Variants in KYAT3 observed in about 807,000 individuals in gnomAD.
The protein encoded by KYAT3 is kynurenine--oxoglutarate transaminase 3.
In KYAT3, 50 loss-of-function variants were observed where a neutral mutation model predicts 59.0. That is an observed-to-expected ratio of 0.85 (90% CI 0.68 to 1.07). The LOEUF (loss-of-function observed/expected upper bound fraction) is 1.07, where lower values mean the gene tolerates loss of function less well. Among genes scored for constraint, KYAT3 ranks in the 50% least tolerant of loss-of-function variants. KYAT3 has a pLI of 0.00. For missense variants in KYAT3, 497 were observed against 533.3 expected, an observed-to-expected ratio of 0.93 and a Z score of 0.67; for synonymous variants, 148 against 177.0, an observed-to-expected ratio of 0.84 and a Z score of 1.30.
intron 2 of KYAT3, among the ~76,000 whole-genome samples, chr1:88,975,388 T>G (rs1247254875): frequency 6.6e-6 from 1 of 152,162 alleles, no homozygotes; most frequent in Non-Finnish European, 1.5e-5. Flanking sequence ...CCTGACCTCG[T>G]GATCTGCCCA....
chr1:88,986,656 A>T (rs1410252435), intron 2 of KYAT3, among the ~76,000 whole-genome samples: 1 of 152,154 alleles, frequency 6.6e-6, no homozygotes, highest in Non-Finnish European at 1.5e-5. Context: ...TGTTTTTGTA[A>T]AAAAGCAAGT....
At chr1:88,974,711 G>A (rs1050300883) in intron 2 of KYAT3, among the ~76,000 whole-genome samples, 8 of 152,002 alleles carry the variant, frequency 5.3e-5, no homozygotes, top group Non-Finnish European at 8.8e-5. Context: ...CTAGCTAAAG[G>A]ATTGTAAATG....
chr1:88,971,048 G>C (rs1212900327), intron 2 of KYAT3, among the ~76,000 whole-genome samples: 1 of 152,160 alleles, frequency 6.6e-6, no homozygotes, highest in Non-Finnish European at 1.5e-5. Context: ...AGAGACAACA[G>C]TTGTACAACT....
chr1:88,957,205 A>G (rs1675956318), intron 8 of KYAT3, among the ~76,000 whole-genome samples: 1 of 152,224 alleles, frequency 6.6e-6, no homozygotes, highest in Admixed American at 6.5e-5. Context: ...GGAATATGAC[A>G]AAACCCAAAA....
chr1:88,924,990 C>T, the KYAT3 span, among the ~76,000 whole-genome samples: 66 of 152,308 alleles, frequency 4.3e-4, no homozygotes, highest in Non-Finnish European at 8.4e-4. Flanking sequence ...AGCAGCCCGC[C>T]GCCATCTTGG....
rs137876119 is a variant in KYAT3 at position 88,983,046 on chromosome 1, C to T, written c.99+5206G>A. The T allele has an allele frequency of 5.6e-5, 90 of 1,612,106 alleles. No individual in the cohort carries two copies. In the African/African-American group the frequency reaches 9.5e-4, roughly 17 times the overall value. ...TCACGACCATATCCATCTCTATCGC[C>T]ATAGCCTCTTGATGGATAGTCATCA... On this transcript the variant is annotated intron_variant, in intron 2 of 13. Transcript: ENST00000260508.
intron 4 of KYAT3, among the ~76,000 whole-genome samples, chr1:88,967,814 T>C (rs1283840137): frequency 2.6e-5 from 4 of 152,206 alleles, no homozygotes; most frequent in Admixed American, 6.5e-5. Context: ...AACTTTTACT[T>C]ATTGATCTTT....
intron 2 of KYAT3, chr1:88,983,275 T>G (rs1344360832): frequency 6.2e-7 from 1 of 1,613,646 alleles, no homozygotes; most frequent in African/African-American, 1.3e-5. Flanking sequence ...CTCTTCCACG[T>G]GATAGAGGAG....
intron 2 of KYAT3, among the ~76,000 whole-genome samples, chr1:88,977,751 C>G (rs981547684): frequency 1.3e-5 from 2 of 152,188 alleles, no homozygotes; most frequent in African/African-American, 4.8e-5. Flanking sequence ...CTCACTGACC[C>G]ACCCAGAGCA....
chr1:88,936,353 CA>C, intron 13 of KYAT3, 108 bp from the exon 14 acceptor site: 1 of 828,478 alleles, frequency 1.2e-6, no homozygotes, highest in Non-Finnish European at 1.8e-6. Context: ...TATCTGATCT[CA>C]AGTGAAGAAA....
Position 88,961,205 on chromosome 1 carries a change from TCA to T in KYAT3, c.747_748del (p.Tyr249Ter), listed in dbSNP as rs774272953. ...CTTATTTCCAGAATATACAAGCCAT[TCA>T]TAAACCTCATCGCTGATGCAGAGTG... is the stretch of plus-strand genomic sequence containing the variant. On this transcript the variant is annotated stop_gained and frameshift_variant, in exon 8 of 14. Transcript: ENST00000260508. LOFTEE classifies it high-confidence loss of function. 7.4e-6 allele frequency: 12 copies of T among 1,613,504 alleles called. No homozygotes were observed. The East Asian group carries it at 2.5e-4, about 33-fold the overall frequency.
At chr1:88,983,353 C>A (rs1360858239) in intron 2 of KYAT3, 1 of 1,614,176 alleles carries the variant, frequency 6.2e-7, no homozygotes, top group Non-Finnish European at 8.5e-7. Context: ...GAGAAGGACC[C>A]CCACTTCTTG....
chr1:88,938,611 C>G (rs547739502), intron 13 of KYAT3, among the ~76,000 whole-genome samples: 1 of 152,206 alleles, frequency 6.6e-6, no homozygotes, highest in African/African-American at 2.4e-5. Context: ...ATTTTTGGCT[C>G]CACTTATAAG....
chr1:88,950,740 C>A (rs772958195), intron 10 of KYAT3, among the ~76,000 whole-genome samples: 3 of 152,170 alleles, frequency 2.0e-5, no homozygotes, highest in Non-Finnish European at 4.4e-5. Context: ...AATGCACTGG[C>A]ATTTCTCTCT....
At position 88,944,078 on chromosome 1, in the gene KYAT3, G is replaced by C. The variant is rs372352308; in HGVS notation, c.1142-655C>G. On this transcript the variant is annotated intron_variant, in intron 11 of 13. Transcript: ENST00000260508. ...AAAAGTCAAATATATACTCCTGTTT[G>C]CTCTTGCCTCAATTTTGCTTTAAGG... 5.9e-5 allele frequency among the ~76,000 whole-genome samples: 9 copies of C among 151,922 alleles called. No individual in the cohort carries two copies. The South Asian group carries it at 1.9e-3, about 32-fold the overall frequency.
At chr1:88,958,060 CA>C (rs1418139249) in intron 8 of KYAT3, among the ~76,000 whole-genome samples, 2 of 152,126 alleles carry the variant, frequency 1.3e-5, no homozygotes, top group Non-Finnish European at 2.9e-5. Flanking sequence ...TGATGACTGC[CA>C]AAAATATATC....
chr1:88,983,043 C>T (rs377481512), intron 2 of KYAT3: 44 of 1,612,576 alleles, frequency 2.7e-5, no homozygotes, highest in African/African-American at 4.0e-5. Flanking sequence ...CCATCTCTAT[C>T]GCCATAGCCT....
At chr1:88,949,059 G>A (rs11576416) in intron 11 of KYAT3, 32 bp downstream of exon 11, 374 of 1,452,690 alleles carry the variant, frequency 2.6e-4, no homozygotes, top group Middle Eastern at 3.6e-4. Flanking sequence ...ATAAGTTTCC[G>A]TATAGTTGAA....
At chr1:88,953,416 G>A (rs1230673226) in intron 9 of KYAT3, among the ~76,000 whole-genome samples, 2 of 151,720 alleles carry the variant, frequency 1.3e-5, no homozygotes, top group Non-Finnish European at 2.9e-5. Flanking sequence ...CATGGTGGTG[G>A]GCACCTGTAA....
Sources: gnomAD v4.1 joint callset for allele counts (sites outside exome capture counted in the v4.1 genomes callset) on GRCh38, gnomAD v4.1.1 for gene constraint, MANE v1.5 for transcripts, NCBI Gene and HGNC (gene_info 2026-07-23, HGNC 2026-07-21) for gene names.